Variants in FAM135B observed in about 807,000 individuals in gnomAD.
FAM135B encodes the protein family with sequence similarity 135 member B.
A neutral mutation model predicts 127.7 loss-of-function variants in FAM135B; 43 were observed. The ratio of observed to expected loss-of-function variants is 0.34; its 90% CI spans 0.26 to 0.43. FAM135B has a LOEUF of 0.43. Among genes scored for constraint, FAM135B ranks in the 20% least tolerant of loss-of-function variants. The pLI, the probability that FAM135B is intolerant of heterozygous loss-of-function variation, is 1.00. For missense variants in FAM135B, 1,558 were observed against 1,725.6 expected, an observed-to-expected ratio of 0.90 and a Z score of 1.72; for synonymous variants, 670 against 665.1, an observed-to-expected ratio of 1.01 and a Z score of -0.11.
chr8:138,215,479 C>G (rs557357911), intron 7 of FAM135B, among the ~76,000 whole-genome samples: 76 of 152,210 alleles, frequency 5.0e-4, no homozygotes, highest in Non-Finnish European at 8.5e-4. Context: ...TATTACATAG[C>G]AAAGAGAACA....
chr8:138,474,415 A>G (rs1363573275), intron 1 of FAM135B, among the ~76,000 whole-genome samples: 1 of 152,226 alleles, frequency 6.6e-6, no homozygotes, highest in Non-Finnish European at 1.5e-5. Context: ...AAAGGTCAAG[A>G]GTTCAGTATA....
At chr8:138,143,135 T>C (rs1354869490) in intron 15 of FAM135B, 26 bp from the exon 16 acceptor site, 2 of 1,335,572 alleles carry the variant, frequency 1.5e-6, no homozygotes, top group East Asian at 4.6e-5. Context: ...GGAACAGGTG[T>C]TGGGTATGGT....
At chr8:138,443,334 T>A (rs115463744) in intron 1 of FAM135B, among the ~76,000 whole-genome samples, 1,734 of 152,290 alleles carry the variant, frequency 0.011, 28 homozygotes, top group African/African-American at 0.039. Context: ...TACCAGATCC[T>A]GTGGGTTCCA....
In FAM135B at chr8:138,278,553, A is replaced by ATTT. The variant is rs557719866; in HGVS notation, c.158-12714_158-12712dup. Among the ~76,000 whole-genome samples, 23 of 60,530 alleles carry ATTT rather than the reference A, an allele frequency of 3.8e-4. 3 individuals are homozygous for ATTT. Among genetic ancestry groups the ATTT allele is most frequent in the African/African-American group, 1.4e-3 (21 of 15,338 alleles). 39.7% of individuals were successfully genotyped at this position (60,530 alleles called of 152,430 possible). A position where few individuals can be genotyped will look rare whatever the true frequency, so the allele number is the denominator to read the frequency against. On this transcript the variant is annotated intron_variant, in intron 3 of 19. Transcript: ENST00000395297. Reference sequence around the variant, plus strand: ...TAATTTTTCCTATTATAAGAACATGATTTTTTTTTTTTTTTTTTTTTTTTT... The same window carrying ATTT: ...TAATTTTTCCTATTATAAGAACATGATTTTTTTTTTTTTTTTTTTTTTTTTTTT...
chr8:138,259,934 T>C (rs1429622930), intron 4 of FAM135B, among the ~76,000 whole-genome samples: 2 of 152,194 alleles, frequency 1.3e-5, no homozygotes, highest in South Asian at 2.1e-4. Context: ...AAAACTCTCT[T>C]GGAAGGCCTG....
intron 7 of FAM135B, among the ~76,000 whole-genome samples, chr8:138,207,977 T>G (rs1462885418): frequency 6.6e-6 from 1 of 152,204 alleles, no homozygotes; most frequent in East Asian, 1.9e-4. Flanking sequence ...AATCTGCAAT[T>G]TGTCCTATCC....
chr8:138,259,966 T>C (rs950933110), intron 4 of FAM135B, among the ~76,000 whole-genome samples: 2 of 152,300 alleles, frequency 1.3e-5, no homozygotes, highest in Middle Eastern at 3.4e-3. Context: ...AGCTTCAGAT[T>C]GCTTGGCTGA....
At chr8:138,287,535 C>T (rs1320930767) in intron 3 of FAM135B, among the ~76,000 whole-genome samples, 1 of 149,080 alleles carries the variant, frequency 6.7e-6, no homozygotes, top group African/African-American at 2.5e-5. Context: ...AAACCTTTCA[C>T]ATGTTTTCAC....
intron 7 of FAM135B, among the ~76,000 whole-genome samples, chr8:138,227,586 G>A (rs1178886498): frequency 6.6e-6 from 1 of 152,080 alleles, no homozygotes; most frequent in African/African-American, 2.4e-5. Flanking sequence ...CAAGCTTAAT[G>A]TATACAGTTT....
intron 8 of FAM135B, among the ~76,000 whole-genome samples, chr8:138,196,172 A>T (rs145400684): frequency 6.6e-6 from 1 of 152,354 alleles, no homozygotes; most frequent in Non-Finnish European, 1.5e-5. Context: ...AAATAAATTC[A>T]GCTCCTTTGG....
Position 138,269,176 on chromosome 8 carries a change from T to C in FAM135B, c.158-3334A>G, listed in dbSNP as rs147091718. Among the ~76,000 whole-genome samples the C allele has an allele frequency of 6.6e-3, 1,003 of 152,362 alleles. 12 individuals carry two copies. Among genetic ancestry groups the C allele is most frequent in the African/African-American group, 0.017 (705 of 41,596 alleles). ...TCTTCTCCCCCCACAAAATGAATGA[T>C]ATTGATACTTTATAGATCTATGCAC... On this transcript the variant is annotated intron_variant, in intron 3 of 19. Coordinates refer to ENST00000395297, the MANE Select transcript of FAM135B (RefSeq NM_015912.4).
At chr8:138,292,860 T>A (rs1712334529) in intron 3 of FAM135B, among the ~76,000 whole-genome samples, 1 of 152,128 alleles carries the variant, frequency 6.6e-6, no homozygotes, top group South Asian at 2.1e-4. Context: ...ATGCAATTCC[T>A]ATCAAAATAC....
intron 1 of FAM135B, chr8:138,441,029 T>G (rs569352807): frequency 3.5e-4 from 54 of 152,196 alleles, no homozygotes; most frequent in African/African-American, 1.2e-3. Context: ...CCCCCACACA[T>G]GTGAGTGAAG....
intron 1 of FAM135B, among the ~76,000 whole-genome samples, chr8:138,455,223 C>T (rs1250225148): frequency 2.0e-5 from 3 of 152,180 alleles, no homozygotes; most frequent in Non-Finnish European, 2.9e-5. Context: ...GTCTCCAAGC[C>T]ATTACACTAG....
intron 1 of FAM135B, among the ~76,000 whole-genome samples, chr8:138,475,944 A>G (rs1243277082): frequency 2.0e-5 from 3 of 152,228 alleles, no homozygotes; most frequent in Non-Finnish European, 2.9e-5. Flanking sequence ...ATAACTGTCA[A>G]AACTTGGAAG....
intron 1 of FAM135B, among the ~76,000 whole-genome samples, chr8:138,470,734 C>T (rs1163830516): frequency 6.6e-6 from 1 of 152,164 alleles, no homozygotes; most frequent in East Asian, 1.9e-4. Flanking sequence ...TTTGAAAGGA[C>T]AAGTGAGGAC....
chr8:138,390,683 C>T (rs569285939), intron 1 of FAM135B, among the ~76,000 whole-genome samples: 1 of 152,092 alleles, frequency 6.6e-6, no homozygotes, highest in Admixed American at 6.5e-5. Context: ...ATGAAGAAAT[C>T]AGCCATTCAC....
At chr8:138,175,876 C>T (rs1320997944) in intron 11 of FAM135B, among the ~76,000 whole-genome samples, 1 of 152,174 alleles carries the variant, frequency 6.6e-6, no homozygotes, top group Non-Finnish European at 1.5e-5. Context: ...TATTTCCACT[C>T]CTATGTGGAC....
Position 138,380,986 on chromosome 8 carries a change from C to CAA in FAM135B, c.-19-12986_-19-12985dup, listed in dbSNP as rs34383833. 4.9e-4 allele frequency among the ~76,000 whole-genome samples: 74 copies of CAA among 150,080 alleles called. No individual in the cohort carries two copies. In the East Asian group the frequency reaches 5.2e-3, roughly 11 times the overall value. On this transcript the variant is annotated intron_variant, in intron 1 of 19. Coordinates refer to ENST00000395297, the MANE Select transcript of FAM135B (RefSeq NM_015912.4). Reference sequence around the variant, plus strand: ...CACACATGCACAAAAAACAAACAAACAAAAAAAAACAGAACATTTGCATGG... The same window carrying CAA: ...CACACATGCACAAAAAACAAACAAACAAAAAAAAAAACAGAACATTTGCATGG...
Sources: allele counts gnomAD v4.1 joint callset (sites outside exome capture counted in the v4.1 genomes callset), GRCh38; gene constraint gnomAD v4.1.1; transcripts MANE v1.5; gene names NCBI Gene and HGNC (gene_info 2026-07-23, HGNC 2026-07-21).